The following GPR158 variants were observed in gnomAD, a reference collection of about 807,000 sequenced individuals.
GPR158 encodes G protein-coupled receptor 158.
GPR158 carries 30 observed loss-of-function variants against 78.2 expected under a neutral mutation model. The observed-to-expected ratio is 0.38, with a 90% CI of 0.29 to 0.52. GPR158 has a LOEUF of 0.52. GPR158 is among the 20% of genes least tolerant of loss of function. GPR158 has a pLI of 0.83. For missense variants in GPR158, 1,463 were observed against 1,523.5 expected (o/e 0.96, Z 0.66); for synonymous variants, 581 against 591.1 (o/e 0.98, Z 0.25).
chr10:25,466,819 G>T, intron 5 of GPR158, 100 bp downstream of exon 5: 1 of 542,602 alleles, frequency 1.8e-6, no homozygotes, highest in East Asian at 3.1e-5. Flanking sequence ...CACACACCCT[G>T]GTGTTACTAG....
At chr10:25,279,756 C>T (rs1854241035) in intron 2 of GPR158, among the ~76,000 whole-genome samples, 1 of 152,116 alleles carries the variant, frequency 6.6e-6, no homozygotes, top group Non-Finnish European at 1.5e-5. Flanking sequence ...AGGACTTCAG[C>T]TCTTTCTCTT....
At chr10:25,209,402 T>C (rs892611839) in intron 1 of GPR158, among the ~76,000 whole-genome samples, 1 of 152,126 alleles carries the variant, frequency 6.6e-6, no homozygotes, top group African/African-American at 2.4e-5. Flanking sequence ...CAGTGGTAAT[T>C]CAGTGCTCAA....
chr10:25,177,115 T>G (rs1391696492), intron 1 of GPR158, among the ~76,000 whole-genome samples: 1 of 152,218 alleles, frequency 6.6e-6, no homozygotes, highest in African/African-American at 2.4e-5. Flanking sequence ...GAGGCATCAG[T>G]TGTGACTGAA....
chr10:25,461,062 T>C (rs1467956979), intron 4 of GPR158, among the ~76,000 whole-genome samples: 1 of 152,204 alleles, frequency 6.6e-6, no homozygotes, highest in Non-Finnish European at 1.5e-5. Context: ...AATTCCTCCA[T>C]CTTTCTCCCT....
At chr10:25,591,249 T>C in intron 8 of GPR158, among the ~76,000 whole-genome samples, 1 of 152,116 alleles carries the variant, frequency 6.6e-6, no homozygotes, top group East Asian at 1.9e-4. Context: ...ACCTACTTAA[T>C]TTTATTTAAC....
chr10:25,480,352 T>C (rs377184147), intron 5 of GPR158, among the ~76,000 whole-genome samples: 10 of 152,228 alleles, frequency 6.6e-5, no homozygotes, highest in African/African-American at 2.4e-4. Context: ...AACATAAAAC[T>C]TACCAGTGTA....
At chr10:25,488,704 T>C (rs959677820) in intron 5 of GPR158, among the ~76,000 whole-genome samples, 7 of 152,154 alleles carry the variant, frequency 4.6e-5, no homozygotes, top group African/African-American at 1.7e-4. Context: ...GGAAAGTAAT[T>C]ATGTAATAGA....
chr10:25,368,717 T>A (rs1833940979), intron 2 of GPR158, among the ~76,000 whole-genome samples: 1 of 151,680 alleles, frequency 6.6e-6, no homozygotes, highest in Admixed American at 6.6e-5. Context: ...AAGAAAGTCA[T>A]TGGTAGCTTG....
At chr10:25,255,455 T>G (rs1853877758) in intron 2 of GPR158, among the ~76,000 whole-genome samples, 2 of 152,240 alleles carry the variant, frequency 1.3e-5, no homozygotes, top group South Asian at 4.1e-4. Context: ...CTGTGTCCTC[T>G]GCTCAGGGTC....
chr10:25,545,631 T>G (rs1015582868), intron 5 of GPR158, among the ~76,000 whole-genome samples: 2 of 152,180 alleles, frequency 1.3e-5, no homozygotes, highest in Non-Finnish European at 2.9e-5. Flanking sequence ...ATCTCATTTT[T>G]GATTTTGGTT....
At chr10:25,396,051 A>C in intron 3 of GPR158, 38 bp downstream of exon 3, 2 of 859,776 alleles carry the variant, frequency 2.3e-6, no homozygotes, top group South Asian at 1.4e-5. Context: ...ATATGTATAT[A>C]CATCATATAT....
intron 6 of GPR158, among the ~76,000 whole-genome samples, chr10:25,571,929 T>C (rs11014616): frequency 0.14 from 21,837 of 152,168 alleles, 3,420 homozygotes; most frequent in African/African-American, 0.39. Flanking sequence ...CTTTCATTTT[T>C]ATTATTACTT....
At position 25,596,461 on chromosome 10, in the gene GPR158, C is replaced by A. The variant is rs146187078; in HGVS notation, c.1999-182C>A. Among the ~76,000 whole-genome samples the A allele has an allele frequency of 2.3e-3, 355 of 152,114 alleles. 2 individuals are homozygous for A. The highest frequency in any genetic ancestry group is 8.3e-3 in the African/African-American group (343 of 41,494). On this transcript the variant is annotated intron_variant, in intron 9 of 10. Coordinates refer to ENST00000376351, the MANE Select transcript of GPR158 (RefSeq NM_020752.3). ...CTCCTGGCTGAGCAACATAGCAAGA[C>A]CCTGTCTGTTTGTCTGTCTGTGTCT...
At chr10:25,242,707 A>C (rs915028) in intron 2 of GPR158, among the ~76,000 whole-genome samples, 17,289 of 152,210 alleles carry the variant, frequency 0.11, 1,184 homozygotes, top group East Asian at 0.31. Context: ...TATGGAATGA[A>C]AATTATTTAT....
chr10:25,240,506 T>C (rs115114916), intron 2 of GPR158, among the ~76,000 whole-genome samples: 1,576 of 152,148 alleles, frequency 0.01, 18 homozygotes, highest in South Asian at 0.039. Context: ...CTCAAAGAGG[T>C]CACTTTGACT....
rs923290080 is a variant in GPR158, at chr10:25,287,219, C to T, written c.1008+66062C>T. 5.3e-5 allele frequency among the ~76,000 whole-genome samples: 8 copies of T among 151,916 alleles called. No individual in the cohort carries two copies. The South Asian group carries it at 6.3e-4, about 12-fold the overall frequency. On this transcript the variant is annotated intron_variant, in intron 2 of 10. Transcript: ENST00000376351. ...CTGTTGATTTTCCACTGCTCTTCCC[C>T]GAGATATAGGGAGTTTTCTTTCCTT...
chr10:25,442,502 T>TCA (rs986389519), intron 4 of GPR158, among the ~76,000 whole-genome samples: 1 of 152,074 alleles, frequency 6.6e-6, no homozygotes, highest in African/African-American at 2.4e-5. Context: ...AGACATTTTC[T>TCA]CTCTCTCCAG....
At chr10:25,447,100 G>T (rs1291890846) in intron 4 of GPR158, among the ~76,000 whole-genome samples, 4 of 152,086 alleles carry the variant, frequency 2.6e-5, no homozygotes, top group Non-Finnish European at 5.9e-5. Context: ...CATATCAATT[G>T]AATTGAAGAA....
At chr10:25,236,508 A>C (rs1425616981) in intron 2 of GPR158, among the ~76,000 whole-genome samples, 1 of 152,228 alleles carries the variant, frequency 6.6e-6, no homozygotes, top group Non-Finnish European at 1.5e-5. Flanking sequence ...ACTCCGTCTC[A>C]AAAAATAAAA....
Sources: gnomAD v4.1 joint callset for allele counts (sites outside exome capture counted in the v4.1 genomes callset) on GRCh38, gnomAD v4.1.1 for gene constraint, MANE v1.5 for transcripts, NCBI Gene and HGNC (gene_info 2026-07-23, HGNC 2026-07-21) for gene names.